DHCR24: variants seen among roughly 807,000 people sequenced by gnomAD.
DHCR24 encodes 24-dehydrocholesterol reductase, also known as delta(24)-sterol reductase.
A neutral mutation model predicts 61.2 loss-of-function variants in DHCR24; 28 were observed. The ratio of observed to expected loss-of-function variants is 0.46; its 90% CI spans 0.34 to 0.63. The LOEUF (loss-of-function observed/expected upper bound fraction) is 0.63. Among genes scored for constraint, DHCR24 ranks in the 20% least tolerant of loss-of-function variants. The pLI, the probability that DHCR24 is intolerant of heterozygous loss-of-function variation, is 0.01. For missense variants in DHCR24, 538 were observed against 679.1 expected (o/e 0.79, Z 2.31); for synonymous variants, 261 against 275.9 (o/e 0.95, Z 0.54).
intron 5 of DHCR24, 57 bp from the exon 6 acceptor site, chr1:54,865,503 G>GGT: frequency 6.2e-7 from 1 of 1,609,648 alleles, no homozygotes; most frequent in Non-Finnish European, 8.5e-7. Context: ...GCACCATCGG[G>GGT]GTGTAACAGC....
intron 6 of DHCR24, among the ~76,000 whole-genome samples, chr1:54,862,280 C>A (rs1288973584): frequency 6.6e-6 from 1 of 152,202 alleles, no homozygotes; most frequent in Non-Finnish European, 1.5e-5. Context: ...TAGTGAGCCT[C>A]AGGTTTGTTT....
intron 8 of DHCR24, 100 bp from the exon 9 acceptor site, chr1:54,852,486 T>C (rs950438767): frequency 2.2e-6 from 3 of 1,377,732 alleles, no homozygotes; most frequent in Non-Finnish European, 3.1e-6. Flanking sequence ...AAAAGGCTTT[T>C]GGAGGATTTC....
chr1:54,872,741 T>C (rs1647006749), intron 4 of DHCR24, among the ~76,000 whole-genome samples: 1 of 152,204 alleles, frequency 6.6e-6, no homozygotes. Flanking sequence ...AGGGAAAGAA[T>C]TCACAAATGT....
chr1:54,885,804 AG>A lies in DHCR24; in HGVS notation c.231+1084del. On this transcript the variant is annotated intron_variant, in intron 1 of 8. Transcript: ENST00000371269. ...AGCTCACAGTCTGACAGGGGAGACAAGCAGGTAAATGGAGAATTTGAACTCG... is the reference window on the plus strand; with the variant it reads ...AGCTCACAGTCTGACAGGGGAGACAACAGGTAAATGGAGAATTTGAACTCG... 1.3e-5 allele frequency among the ~76,000 whole-genome samples: 2 copies of A among 152,290 alleles called. 1 individual carries two copies. Among genetic ancestry groups the A allele is most frequent in the South Asian group, 4.1e-4 (2 of 4,828 alleles).
rs1646991426 is a variant in DHCR24 at position 54,870,356 on chromosome 1, G to A, written c.876+994C>T. Among the ~76,000 whole-genome samples, 3 of 152,118 alleles carry A rather than the reference G, an allele frequency of 2.0e-5. No individual in the cohort carries two copies. In the South Asian group the frequency reaches 6.2e-4, roughly 31 times the overall value. ...CTTTTTCTTTATATATTTCAGCATT[G>A]TTACATTACTTTTATAATTTAAAAA... On this transcript the variant is annotated intron_variant, in intron 5 of 8. Transcript: ENST00000371269.
intron 5 of DHCR24, among the ~76,000 whole-genome samples, chr1:54,869,315 A>G (rs1011847336): frequency 8.5e-5 from 13 of 152,196 alleles, no homozygotes; most frequent in African/African-American, 3.1e-4. Context: ...AGGCATAAAC[A>G]CAGCTCTTCT....
intron 6 of DHCR24, among the ~76,000 whole-genome samples, chr1:54,861,319 T>C (rs1646937153): frequency 6.6e-6 from 1 of 152,216 alleles, no homozygotes; most frequent in Non-Finnish European, 1.5e-5. Context: ...TGATAGATTC[T>C]GTAGCTTGGA....
intron 6 of DHCR24, among the ~76,000 whole-genome samples, chr1:54,857,186 G>C (rs776721444): frequency 6.6e-6 from 1 of 152,186 alleles, no homozygotes; most frequent in African/African-American, 2.4e-5. Context: ...ATGTGGCTTA[G>C]TGACCTGGGA....
In DHCR24 at chr1:54,887,099, C is replaced by G. The variant is rs1411980556; in HGVS notation, c.21G>C (p.Leu7=). 1 of 1,595,354 alleles carries G rather than the reference C, an allele frequency of 6.3e-7. No individual in the cohort carries two copies. The highest frequency in any genetic ancestry group is 2.3e-5 in the East Asian group (1 of 44,162). MEPAVS[L]AVCALLFLLW... The stretch of plus-strand genomic sequence containing the variant: ...GCAGGAAGAGCAGCGCGCACACGGC[C>G]AGCGACACGGCGGGCTCCATGGTGC... Residue 7 remains leucine, a synonymous_variant, in exon 1 of 9, where the codon CTG becomes CTC. Coordinates refer to ENST00000371269, the MANE Select transcript of DHCR24 (RefSeq NM_014762.4).
At chr1:54,886,815 G>C (rs1301168087) in intron 1 of DHCR24, 74 bp downstream of exon 1, 3 of 1,469,084 alleles carry the variant, frequency 2.0e-6, no homozygotes, top group Non-Finnish European at 2.7e-6. Context: ...AGCTCCCGTC[G>C]CCACCTCGCG....
intron 6 of DHCR24, among the ~76,000 whole-genome samples, chr1:54,855,580 G>A (rs1249114030): frequency 6.6e-6 from 1 of 152,082 alleles, no homozygotes; most frequent in Non-Finnish European, 1.5e-5. Context: ...GGCTGGGGCA[G>A]CTCATGAAAG....
chr1:54,865,478 G>A lies in DHCR24; in HGVS notation c.877-32C>T, dbSNP rs373936330. 5.0e-6 allele frequency: 8 copies of A among 1,613,018 alleles called. No individual in the cohort carries two copies. In the African/African-American group the frequency reaches 5.3e-5, roughly 11 times the overall value. ...TGACAGAGGGCATTGTGATCAGCCT[G>A]CAGACAAGCGCCCAGCACCATCGGG... is the stretch of plus-strand genomic sequence containing the variant. On this transcript the variant is annotated intron_variant, in intron 5 of 8. Coordinates refer to ENST00000371269, the MANE Select transcript of DHCR24 (RefSeq NM_014762.4).
chr1:54,854,090 C>G lies in DHCR24; in HGVS notation c.1165G>C (p.Val389Leu). Reference protein sequence around the residue: ...EQHHVVQDMLVPMKCLQQALH... With the variant: ...EQHHVVQDMLLPMKCLQQALH... The stretch of plus-strand genomic sequence containing the variant: ...GCCTGCTGCAGGCACTTCATGGGCA[C>G]CAGCATGTCCTGCACCACGTGGTGC... Residue 389 changes from valine (V) to leucine (L), a missense_variant, in exon 7 of 9, where the codon GTG becomes CTG. Transcript: ENST00000371269. 1 of 1,614,032 alleles carries G rather than the reference C, an allele frequency of 6.2e-7. No homozygotes were observed. The highest frequency in any genetic ancestry group is 8.5e-7 in the Non-Finnish European group (1 of 1,179,938).
At chr1:54,877,221 T>C (rs1647038595) in intron 2 of DHCR24, among the ~76,000 whole-genome samples, 1 of 151,898 alleles carries the variant, frequency 6.6e-6, no homozygotes, top group African/African-American at 2.4e-5. Flanking sequence ...CTATTTTGTA[T>C]GTTTTAAACA....
intron 5 of DHCR24, among the ~76,000 whole-genome samples, chr1:54,869,619 C>T (rs1044561453): frequency 1.3e-5 from 2 of 151,760 alleles, no homozygotes; most frequent in African/African-American, 4.9e-5. Context: ...AAATAGGTCT[C>T]GGCTGGGTGT....
intron 6 of DHCR24, among the ~76,000 whole-genome samples, chr1:54,864,173 C>T (rs1426831019): frequency 6.6e-6 from 1 of 152,170 alleles, no homozygotes; most frequent in East Asian, 1.9e-4. Flanking sequence ...ACAGAATTAG[C>T]ATATGACCCA....
chr1:54,872,555 C>T (rs1647005424), intron 4 of DHCR24, among the ~76,000 whole-genome samples: 1 of 152,134 alleles, frequency 6.6e-6, no homozygotes, highest in South Asian at 2.1e-4. Flanking sequence ...TCAGGAACAG[C>T]AGCACTACGC....
chr1:54,866,330 T>C (rs6677915), intron 5 of DHCR24, among the ~76,000 whole-genome samples: 13,684 of 151,936 alleles, frequency 0.09, 691 homozygotes, highest in Admixed American at 0.11. Context: ...ATATGCCCAC[T>C]GTTTTTAAAA....
chr1:54,887,031 T>C lies in DHCR24; in HGVS notation c.89A>G (p.Gln30Arg). ...LKGLEFVLIH[Q>R]RWVFVCLFLL... ...GAAGAGGCACACGAACACCCAGCGC[T>C]GGTGGATGAGCACGAACTCCAGCCC... The change falls in exon 1 of 9, where the codon CAG becomes CGG. Residue 30 changes from glutamine to arginine, a missense_variant. Coordinates refer to ENST00000371269, the MANE Select transcript of DHCR24 (RefSeq NM_014762.4). The C allele has an allele frequency of 6.2e-7, 1 of 1,613,170 alleles. No individual in the cohort carries two copies. Among genetic ancestry groups the C allele is most frequent in the Non-Finnish European group, 8.5e-7 (1 of 1,179,586 alleles).
Sources: gnomAD v4.1 joint callset for allele counts (sites outside exome capture counted in the v4.1 genomes callset) on GRCh38, gnomAD v4.1.1 for gene constraint, MANE v1.5 for transcripts, NCBI Gene and HGNC (gene_info 2026-07-23, HGNC 2026-07-21) for gene names.